The following NALF1 variants were observed in gnomAD, a reference collection of about 807,000 sequenced individuals.
NALF1 encodes the protein NALCN channel auxiliary factor 1.
In NALF1, 3 loss-of-function variants were observed where a neutral mutation model predicts 48.4. The observed-to-expected ratio is 0.06, with a 90% confidence interval of 0.03 to 0.16. The LOEUF (loss-of-function observed/expected upper bound fraction) is 0.16. NALF1 is among the 10% of genes least tolerant of loss of function. The pLI, the probability that NALF1 is intolerant of heterozygous loss-of-function variation, is 1.00. For missense variants in NALF1, 526 were observed against 571.5 expected (o/e 0.92, Z 0.81); for synonymous variants, 262 against 245.7 (o/e 1.07, Z -0.62).
intron 1 of NALF1, among the ~76,000 whole-genome samples, chr13:107,361,481 G>GA (rs1187841748): frequency 5.9e-5 from 9 of 151,348 alleles, no homozygotes; most frequent in Non-Finnish European, 8.8e-5. Context: ...GACTGTAGGG[G>GA]AAAAAAAAGA....
chr13:107,755,051 CT>C (rs1159951208), intron 1 of NALF1, among the ~76,000 whole-genome samples: 2 of 152,124 alleles, frequency 1.3e-5, no homozygotes, highest in Non-Finnish European at 2.9e-5. Flanking sequence ...AACCTCAGCT[CT>C]AAAATTGTTG....
Position 107,284,836 on chromosome 13 carries a change from G to T in NALF1, c.916-74081C>A, listed in dbSNP as rs150140559. ...ACAGAATGAAACCTGCCATGCTGGA[G>T]CCTTCGTCTTGGATCTCCTAGCTTC... On this transcript the variant is annotated intron_variant, in intron 1 of 2. Coordinates refer to ENST00000375915, the MANE Select transcript of NALF1 (RefSeq NM_001080396.3). 5.9e-5 allele frequency among the ~76,000 whole-genome samples: 9 copies of T among 152,292 alleles called. No individual in the cohort carries two copies. In the East Asian group the frequency reaches 1.5e-3, roughly 26 times the overall value.
At position 107,167,004 on chromosome 13, in the gene NALF1, T is replaced by C. The variant is rs1232223119; in HGVS notation, c.*3493A>G. 6.6e-6 allele frequency: 1 copy of C among 152,212 alleles called. No homozygotes were observed. Among genetic ancestry groups the C allele is most frequent in the Non-Finnish European group, 1.5e-5 (1 of 68,040 alleles). 9.4% of individuals were successfully genotyped at this position (152,212 alleles called of 1,614,324 possible). On this transcript the variant is annotated 3_prime_UTR_variant, in exon 3 of 3. Transcript: ENST00000375915. Reference sequence around the variant, plus strand: ...TCTTTTTAATGCAAGAAAAGTTCAATATAACGTATCACCAAATGTAAATGC... The same window carrying C: ...TCTTTTTAATGCAAGAAAAGTTCAACATAACGTATCACCAAATGTAAATGC...
At chr13:107,744,663 A>G (rs987695414) in intron 1 of NALF1, among the ~76,000 whole-genome samples, 50 of 152,362 alleles carry the variant, frequency 3.3e-4, no homozygotes, top group African/African-American at 1.1e-3. Context: ...TTTCCCAAGA[A>G]GGTCTGTCTA....
intron 1 of NALF1, among the ~76,000 whole-genome samples, chr13:107,661,831 C>T (rs150046772): frequency 6.6e-6 from 1 of 152,144 alleles, no homozygotes; most frequent in African/African-American, 2.4e-5. Flanking sequence ...AAGCCTGATA[C>T]TTAACACCTG....
chr13:107,719,562 G>A (rs1875923164), intron 1 of NALF1, among the ~76,000 whole-genome samples: 1 of 151,564 alleles, frequency 6.6e-6, no homozygotes, highest in South Asian at 2.1e-4. Context: ...CTTCTACTTG[G>A]ACATCTATAG....
chr13:107,368,326 T>TC (rs1293296257), intron 1 of NALF1, among the ~76,000 whole-genome samples: 1 of 151,794 alleles, frequency 6.6e-6, no homozygotes, highest in Admixed American at 6.6e-5. Flanking sequence ...AATACTTTTT[T>TC]TTTTTTTTGA....
intron 1 of NALF1, among the ~76,000 whole-genome samples, chr13:107,753,124 C>T (rs1343734327): frequency 6.6e-6 from 1 of 152,216 alleles, no homozygotes; most frequent in African/African-American, 2.4e-5. Context: ...CCCTGCTTTC[C>T]TCTCTAATGC....
At chr13:107,277,520 TA>T (rs1339511642) in intron 1 of NALF1, among the ~76,000 whole-genome samples, 1 of 152,194 alleles carries the variant, frequency 6.6e-6, no homozygotes. Flanking sequence ...CACGAAGAGC[TA>T]TTATCAGTAT....
chr13:107,712,904 G>A (rs951213260), intron 1 of NALF1, among the ~76,000 whole-genome samples: 2 of 152,178 alleles, frequency 1.3e-5, no homozygotes, highest in African/African-American at 4.8e-5. Context: ...AACCCACAAG[G>A]AAAATAGACA....
chr13:107,628,290 C>T (rs893607959), intron 1 of NALF1, among the ~76,000 whole-genome samples: 1 of 152,144 alleles, frequency 6.6e-6, no homozygotes, highest in Non-Finnish European at 1.5e-5. Flanking sequence ...GACTGCCTCA[C>T]TTTGCATCCG....
At chr13:107,789,762 C>T (rs901914813) in intron 1 of NALF1, among the ~76,000 whole-genome samples, 1 of 152,134 alleles carries the variant, frequency 6.6e-6, no homozygotes, top group Non-Finnish European at 1.5e-5. Context: ...GTCTCCCAGC[C>T]GAATGCCCAT....
intron 1 of NALF1, among the ~76,000 whole-genome samples, chr13:107,321,654 T>C (rs1302473854): frequency 6.6e-6 from 1 of 152,138 alleles, no homozygotes; most frequent in East Asian, 1.9e-4. Flanking sequence ...CATGGGTTGT[T>C]CCTGGCCCTG....
chr13:107,565,826 G>A (rs900307251), intron 1 of NALF1, among the ~76,000 whole-genome samples: 2 of 152,040 alleles, frequency 1.3e-5, no homozygotes, highest in African/African-American at 4.8e-5. Flanking sequence ...ACTTTGTCCA[G>A]GCCAATTTCT....
At chr13:107,233,683 T>A (rs879338718) in intron 1 of NALF1, among the ~76,000 whole-genome samples, 1 of 152,226 alleles carries the variant, frequency 6.6e-6, no homozygotes, top group Non-Finnish European at 1.5e-5. Flanking sequence ...CTCTGCTACA[T>A]GTTACATAAG....
intron 1 of NALF1, among the ~76,000 whole-genome samples, chr13:107,828,638 C>T (rs918439214): frequency 1.3e-5 from 2 of 149,818 alleles, no homozygotes; most frequent in African/African-American, 5.0e-5. Context: ...CACACACACA[C>T]ACACACACAA....
chr13:107,607,143 A>G (rs1245986812), intron 1 of NALF1, among the ~76,000 whole-genome samples: 1 of 152,164 alleles, frequency 6.6e-6, no homozygotes, highest in Non-Finnish European at 1.5e-5. Flanking sequence ...AAAATACTAC[A>G]AGGGCCCAAA....
At chr13:107,824,503 G>A (rs1414105138) in intron 1 of NALF1, among the ~76,000 whole-genome samples, 1 of 152,158 alleles carries the variant, frequency 6.6e-6, no homozygotes, top group African/African-American at 2.4e-5. Context: ...ACAAAGCCTG[G>A]GGAAATGGTC....
At chr13:107,597,022 T>C (rs965260014) in intron 1 of NALF1, among the ~76,000 whole-genome samples, 2 of 152,194 alleles carry the variant, frequency 1.3e-5, no homozygotes, top group African/African-American at 4.8e-5. Context: ...CTATTTCCCC[T>C]GCTTCAGTTT....
Sources: allele counts gnomAD v4.1 joint callset (sites outside exome capture counted in the v4.1 genomes callset), GRCh38; gene constraint gnomAD v4.1.1; transcripts MANE v1.5; gene names NCBI Gene and HGNC (gene_info 2026-07-23, HGNC 2026-07-21).